The following ST18 variants were observed in gnomAD, a reference collection of about 807,000 sequenced individuals.
ST18 encodes ST18 C2H2C-type zinc finger transcription factor, also known as suppression of tumorigenicity 18 protein.
ST18 carries 50 observed loss-of-function variants against 110.0 expected under a neutral mutation model. The ratio of observed to expected loss-of-function variants is 0.45; its 90% confidence interval spans 0.36 to 0.58. The LOEUF (loss-of-function observed/expected upper bound fraction) is 0.58. Among genes scored for constraint, ST18 ranks in the 20% least tolerant of loss-of-function variants. The pLI, the probability that ST18 is intolerant of heterozygous loss-of-function variation, is 0.00. For synonymous variants in ST18, 461 were observed against 452.4 expected, an observed-to-expected ratio of 1.02 and a Z score of -0.24; for missense variants, 1,306 against 1,280.1, an observed-to-expected ratio of 1.02 and a Z score of -0.31.
chr8:52,222,469 G>A (rs935839847), intron 3 of ST18, among the ~76,000 whole-genome samples: 14 of 152,282 alleles, frequency 9.2e-5, no homozygotes, highest in Middle Eastern at 3.4e-3. Context: ...CCCCTCCCTG[G>A]GGAAGAGAGT....
chr8:52,301,857 A>T (rs1048392222), intron 2 of ST18: 10 of 151,984 alleles, frequency 6.6e-5, no homozygotes, highest in Non-Finnish European at 1.5e-4. Context: ...CCAGGATGGT[A>T]CTAGATGTCA....
chr8:52,343,422 T>C (rs1816134763), intron 2 of ST18, among the ~76,000 whole-genome samples: 1 of 152,162 alleles, frequency 6.6e-6, no homozygotes, highest in Non-Finnish European at 1.5e-5. Flanking sequence ...TGTCCTTGAA[T>C]GTACCAACCA....
chr8:52,190,847 T>C (rs1563965631), intron 8 of ST18, among the ~76,000 whole-genome samples: 1 of 152,134 alleles, frequency 6.6e-6, no homozygotes, highest in South Asian at 2.1e-4. Context: ...CATCTGTGTT[T>C]GAGAGATGGA....
chr8:52,343,240 G>A (rs1289194977), intron 2 of ST18, among the ~76,000 whole-genome samples: 10 of 152,064 alleles, frequency 6.6e-5, no homozygotes, highest in Admixed American at 6.6e-4. Flanking sequence ...AAACCAGGCC[G>A]TTACTAACCC....
chr8:52,160,763 A>G (rs1281668392), intron 14 of ST18, among the ~76,000 whole-genome samples: 1 of 152,226 alleles, frequency 6.6e-6, no homozygotes, highest in Non-Finnish European at 1.5e-5. Context: ...ATGGTCTTCT[A>G]TATGGATGTG....
intron 2 of ST18, among the ~76,000 whole-genome samples, chr8:52,331,415 A>T (rs1809344784): frequency 6.6e-6 from 1 of 152,062 alleles, no homozygotes; most frequent in Non-Finnish European, 1.5e-5. Context: ...GTGAATACAA[A>T]ATTTATTTTT....
At chr8:52,210,817 A>G (rs1259493477) in intron 8 of ST18, among the ~76,000 whole-genome samples, 3 of 152,236 alleles carry the variant, frequency 2.0e-5, no homozygotes, top group Admixed American at 6.5e-5. Context: ...GTGTTTCGCT[A>G]CATAAATGAA....
At chr8:52,348,999 T>C (rs1156796221) in intron 2 of ST18, among the ~76,000 whole-genome samples, 1 of 152,082 alleles carries the variant, frequency 6.6e-6, no homozygotes, top group African/African-American at 2.4e-5. Context: ...ATCTCCCCCA[T>C]GCCCAACCCC....
Position 52,143,019 on chromosome 8 carries a change from A to G in ST18, c.2079T>C (p.Asn693=). ...KEKDPVSSLE[N]LEEKKFPGEA... is the part of the protein sequence containing the mutation. ...CTCCAGGAAACTTTTTTTCCTCTAA[A>G]TTTTCTAGAGAGCTCACTGGGTCTT... The change falls in exon 17 of 26, where the codon AAT becomes AAC. Residue 693 remains asparagine, a synonymous_variant. Transcript: ENST00000689386. The G allele has an allele frequency of 6.2e-7, 1 of 1,613,646 alleles. No individual in the cohort carries two copies. Among genetic ancestry groups the G allele is most frequent in the Non-Finnish European group, 8.5e-7 (1 of 1,179,648 alleles).
At chr8:52,229,381 G>A (rs1479304523) in intron 3 of ST18, among the ~76,000 whole-genome samples, 1 of 152,146 alleles carries the variant, frequency 6.6e-6, no homozygotes, top group Admixed American at 6.5e-5. Context: ...CTCACTCATT[G>A]GGCTGTTGGT....
chr8:52,242,413 C>T (rs542444751), intron 2 of ST18, among the ~76,000 whole-genome samples: 34 of 152,292 alleles, frequency 2.2e-4, no homozygotes, highest in Admixed American at 1.5e-3. Context: ...GCAGCCCCGG[C>T]GCATCACAGG....
intron 2 of ST18, among the ~76,000 whole-genome samples, chr8:52,332,140 T>A (rs1195489803): frequency 6.6e-6 from 1 of 151,998 alleles, no homozygotes; most frequent in African/African-American, 2.4e-5. Flanking sequence ...GTATAACCAC[T>A]CATTGTTACC....
At chr8:52,257,168 A>T (rs1484703051) in intron 2 of ST18, among the ~76,000 whole-genome samples, 1 of 152,186 alleles carries the variant, frequency 6.6e-6, no homozygotes, top group African/African-American at 2.4e-5. Context: ...TTAATATTCT[A>T]TTGTTTGGAT....
At chr8:52,197,052 A>G (rs1266258762) in intron 8 of ST18, among the ~76,000 whole-genome samples, 1 of 152,250 alleles carries the variant, frequency 6.6e-6, no homozygotes, top group African/African-American at 2.4e-5. Flanking sequence ...AGGTTGTTGA[A>G]TAGAATGCAG....
At chr8:52,295,708 TC>T (rs1448297642) in intron 2 of ST18, among the ~76,000 whole-genome samples, 8 of 91,090 alleles carry the variant, frequency 8.8e-5, no homozygotes, top group African/African-American at 3.2e-4. Flanking sequence ...TCTCTTTTTT[TC>T]CTTTTTTTTT....
intron 8 of ST18, among the ~76,000 whole-genome samples, chr8:52,195,157 A>G (rs2075804633): frequency 6.6e-6 from 1 of 152,206 alleles, no homozygotes; most frequent in African/African-American, 2.4e-5. Context: ...ACGTAATATG[A>G]TGGATCATAG....
chr8:52,133,611 A>T (rs1315470226), intron 19 of ST18, among the ~76,000 whole-genome samples: 1 of 151,482 alleles, frequency 6.6e-6, no homozygotes, highest in Non-Finnish European at 1.5e-5. Flanking sequence ...TTTTAACCTC[A>T]TATAGAAGGG....
intron 16 of ST18, among the ~76,000 whole-genome samples, chr8:52,149,367 T>A (rs1223911392): frequency 6.6e-6 from 1 of 152,264 alleles, no homozygotes; most frequent in Non-Finnish European, 1.5e-5. Context: ...TGATTTCATC[T>A]TCAACCCTCT....
chr8:52,337,080 T>C (rs901433318), intron 2 of ST18, among the ~76,000 whole-genome samples: 4 of 152,262 alleles, frequency 2.6e-5, no homozygotes, highest in African/African-American at 7.2e-5. Flanking sequence ...GCCCACTCCA[T>C]TGAAATATGC....
Sources: allele counts gnomAD v4.1 joint callset (sites outside exome capture counted in the v4.1 genomes callset), GRCh38; gene constraint gnomAD v4.1.1; transcripts MANE v1.5; gene names NCBI Gene and HGNC (gene_info 2026-07-23, HGNC 2026-07-21).